Variants in SMARCD1 observed in about 807,000 individuals in gnomAD.
SMARCD1 encodes SWI/SNF-related matrix-associated actin-dependent regulator of chromatin subfamily D member 1.
SMARCD1 carries 16 observed loss-of-function variants against 70.8 expected under a neutral mutation model. The observed-to-expected ratio is 0.23, with a 90% confidence interval of 0.15 to 0.34. The LOEUF is 0.34. Among genes scored for constraint, SMARCD1 ranks in the 10% least tolerant of loss-of-function variants. SMARCD1 has a pLI of 1.00. For synonymous variants in SMARCD1, 249 were observed against 246.0 expected, an observed-to-expected ratio of 1.01 and a Z score of -0.11; for missense variants, 409 against 655.5, an observed-to-expected ratio of 0.62 and a Z score of 4.11.
At chr12:50,090,471 G>A (rs752794768) in intron 8 of SMARCD1, 22 bp from the exon 9 acceptor site, 19 of 1,613,236 alleles carry the variant, frequency 1.2e-5, no homozygotes, top group African/African-American at 9.3e-5. Context: ...TGCTAACCTC[G>A]TGCTTCTCCC....
At position 50,090,721 on chromosome 12, in the gene SMARCD1, T is replaced by A. The variant is rs975747743; in HGVS notation, c.1133+131T>A. On this transcript the variant is annotated intron_variant, in intron 9 of 12. Coordinates refer to ENST00000394963, the MANE Select transcript of SMARCD1 (RefSeq NM_003076.5). ...CAACTGTTACACTGTTACTTACAAT[T>A]AAATTACATAAACTTATAATTAAAT... The A allele has an allele frequency of 1.2e-5, 7 of 573,152 alleles. No homozygotes were observed. In the African/African-American group the frequency reaches 1.3e-4, roughly 11 times the overall value. 35.5% of individuals were successfully genotyped at this position (573,152 alleles called of 1,614,324 possible).
chr12:50,090,451 A>C, intron 8 of SMARCD1, 42 bp from the exon 9 acceptor site: 1 of 1,613,240 alleles, frequency 6.2e-7, no homozygotes, highest in Non-Finnish European at 8.5e-7. Context: ...AACACTAGTT[A>C]TGCTCAAACT....
At chr12:50,086,135 A>G (rs776259111) in intron 1 of SMARCD1, 26 bp from the exon 2 acceptor site, 82 of 1,454,790 alleles carry the variant, frequency 5.6e-5, no homozygotes, top group Non-Finnish European at 7.2e-5. Context: ...AAACCATGAC[A>G]TCTCTGGGTC....
At chr12:50,086,504 T>TGG in intron 2 of SMARCD1, 117 bp from the exon 3 acceptor site, 14 of 1,231,616 alleles carry the variant, frequency 1.1e-5, no homozygotes, top group Non-Finnish European at 1.6e-5. Context: ...GTGGTGGTAG[T>TGG]TCTTTGAGAG....
Position 50,088,515 on chromosome 12 carries a change from C to A in SMARCD1, c.655-6C>A. 2 of 1,496,782 alleles carry A rather than the reference C, an allele frequency of 1.3e-6. No homozygotes were observed. The highest frequency in any genetic ancestry group is 1.8e-6 in the Non-Finnish European group (2 of 1,090,102). 92.7% of individuals were successfully genotyped at this position (1,496,782 alleles called of 1,614,324 possible). A position where few individuals can be genotyped will look rare whatever the true frequency, so the allele number is the denominator to read the frequency against. On this transcript the variant is annotated splice_polypyrimidine_tract_variant and splice_region_variant and intron_variant, in intron 5 of 12. Coordinates refer to ENST00000394963, the MANE Select transcript of SMARCD1 (RefSeq NM_003076.5). ...CCTAATGTGATTTTTATTTTCTCTC[C>A]TCTAGTCAGCCTTGTCCAAATATGA...
intron 1 of SMARCD1, 148 bp from the exon 2 acceptor site, chr12:50,086,013 A>G (rs1463433095): frequency 7.7e-6 from 4 of 517,130 alleles, no homozygotes; most frequent in Non-Finnish European, 1.3e-5. Flanking sequence ...TGGAGTCACT[A>G]CTGGAGCAAA....
At chr12:50,088,456 AG>A in intron 5 of SMARCD1, 64 bp from the exon 6 acceptor site, 1 of 868,994 alleles carries the variant, frequency 1.2e-6, no homozygotes, top group African/African-American at 1.7e-5. Flanking sequence ...CCTTTTTCAT[AG>A]GATTTTGTCT....
At chr12:50,092,075 G>C (rs1950848765) in intron 9 of SMARCD1, among the ~76,000 whole-genome samples, 1 of 151,888 alleles carries the variant, frequency 6.6e-6, no homozygotes, top group African/African-American at 2.4e-5. Context: ...TCACTTTTTT[G>C]TTTAGAAGCT....
At chr12:50,091,571 G>A (rs976951517) in intron 9 of SMARCD1, among the ~76,000 whole-genome samples, 2 of 151,868 alleles carry the variant, frequency 1.3e-5, no homozygotes, top group Admixed American at 1.3e-4. Context: ...CACCGCGCCC[G>A]GCCTTTTGTT....
At chr12:50,087,315 A>G (rs769751365) in intron 4 of SMARCD1, 48 bp from the exon 5 acceptor site, 24 of 1,603,752 alleles carry the variant, frequency 1.5e-5, no homozygotes, top group Non-Finnish European at 2.0e-5. Context: ...TGTCTTCAAC[A>G]TCAGACCACT....
chr12:50,094,320 C>T (rs1463852804), intron 9 of SMARCD1, 117 bp from the exon 10 acceptor site: 1 of 990,452 alleles, frequency 1.0e-6, no homozygotes, highest in South Asian at 1.7e-5. Context: ...CCCGAAAGTT[C>T]TCGGGCCCTT....
At position 50,086,740 on chromosome 12, in the gene SMARCD1, T is replaced by C. The variant is rs1386976523; in HGVS notation, c.409-16T>C. The C allele has an allele frequency of 6.2e-7, 1 of 1,614,104 alleles. No homozygotes were observed. Among genetic ancestry groups the C allele is most frequent in the South Asian group, 1.1e-5 (1 of 91,080 alleles). On this transcript the variant is annotated splice_polypyrimidine_tract_variant and intron_variant, in intron 3 of 12. Coordinates refer to ENST00000394963, the MANE Select transcript of SMARCD1 (RefSeq NM_003076.5). ...GATGATCATCCTAGATTTCAATTAA[T>C]TTTTCTGTTCCTAAGATTCGTGAAC... is the stretch of plus-strand genomic sequence containing the variant.
intron 10 of SMARCD1, 39 bp downstream of exon 10, chr12:50,094,611 C>T: frequency 1.9e-6 from 3 of 1,592,958 alleles, no homozygotes; most frequent in Non-Finnish European, 2.6e-6. Context: ...TACCACCAGC[C>T]CCTATCACAG....
At chr12:50,095,916 C>G (rs976176959) in intron 10 of SMARCD1, among the ~76,000 whole-genome samples, 1 of 152,102 alleles carries the variant, frequency 6.6e-6, no homozygotes, top group Non-Finnish European at 1.5e-5. Flanking sequence ...TGTTTCATCC[C>G]GAAGACTGTG....
chr12:50,086,319 G>T lies in SMARCD1; in HGVS notation c.336G>T (p.Gln112His), dbSNP rs139120093. 3.5e-3 allele frequency: 5,486 copies of T among 1,560,100 alleles called. 7 individuals are homozygous for T. The highest frequency in any genetic ancestry group is 4.3e-3 in the Non-Finnish European group (5,003 of 1,150,808). Residue 112 changes from glutamine to histidine, a missense_variant, in exon 2 of 13, where the codon CAG becomes CAT. By Grantham distance (24) the Gln-to-His change is conservative (BLOSUM62 0). This residue lies in a region of SMARCD1 where 140 missense variants were observed against 156.9 expected (regional missense o/e 0.89). Transcript: ENST00000394963. Reference protein sequence around the residue: ...RPAPQQIQQVQQQAVQNRNHN... With the variant: ...RPAPQQIQQVHQQAVQNRNHN... ...CCCCTCAGCAGATCCAGCAGGTCCA[G>T]CAGCAGGCGGTCCAAAATCGAAACC...
At chr12:50,093,191 G>C (rs866328197) in intron 9 of SMARCD1, among the ~76,000 whole-genome samples, 2 of 151,766 alleles carry the variant, frequency 1.3e-5, no homozygotes, top group African/African-American at 4.8e-5. Flanking sequence ...AAAAAGAAAG[G>C]CTTCGTTTGT....
chr12:50,098,881 C>CA, intron 12 of SMARCD1, 66 bp downstream of exon 12: 1 of 1,595,082 alleles, frequency 6.3e-7, no homozygotes, highest in South Asian at 1.1e-5. Flanking sequence ...TGATGGGGGT[C>CA]AGTGGTGTTA....
intron 7 of SMARCD1, 118 bp downstream of exon 7, chr12:50,090,103 T>C (rs1325551503): frequency 7.9e-7 from 1 of 1,261,840 alleles, no homozygotes; most frequent in Non-Finnish European, 1.1e-6. Flanking sequence ...AGAGATAGAG[T>C]CTTAGTCATC....
chr12:50,085,556 GC>G lies in SMARCD1; in HGVS notation c.177+11del. 1.6e-6 allele frequency: 2 copies of G among 1,231,646 alleles called. No individual in the cohort carries two copies. Among genetic ancestry groups the G allele is most frequent in the Non-Finnish European group, 2.0e-6 (2 of 986,742 alleles). The allele number at this position is 1,231,646 out of a possible 1,614,324, so 76.3% of individuals were successfully genotyped here. A position where few individuals can be genotyped will look rare whatever the true frequency, so the allele number is the denominator to read the frequency against. On this transcript the variant is annotated intron_variant, in intron 1 of 12. Transcript: ENST00000394963. ...CGGAGCGGCCTATCCGGTGAGTGGGGCAGGAGGAGGGGCGCGCGGGCCGGGG... is the reference window on the plus strand; with the variant it reads ...CGGAGCGGCCTATCCGGTGAGTGGGGAGGAGGAGGGGCGCGCGGGCCGGGG...
Sources: gnomAD v4.1 joint callset for allele counts (sites outside exome capture counted in the v4.1 genomes callset) on GRCh38, gnomAD v4.1.1 for gene constraint, gnomAD v4.1.1 regional missense constraint, MANE v1.5 for transcripts, NCBI Gene and HGNC (gene_info 2026-07-23, HGNC 2026-07-21) for gene names.